Variants in PKD1L1 observed in about 807,000 individuals in gnomAD.
The protein encoded by PKD1L1 is polycystin-1-like protein 1.
PKD1L1 carries 236 observed loss-of-function variants against 323.4 expected under a neutral mutation model. The observed-to-expected ratio is 0.73, with a 90% CI of 0.66 to 0.81. The LOEUF (loss-of-function observed/expected upper bound fraction) is 0.81, where lower values mean the gene tolerates loss of function less well. PKD1L1 is among the 40% of genes least tolerant of loss of function. PKD1L1 has a pLI of 0.00. For synonymous variants in PKD1L1, 1,344 were observed against 1,335.0 expected, an observed-to-expected ratio of 1.01 and a Z score of -0.15; for missense variants, 3,320 against 3,508.0, an observed-to-expected ratio of 0.95 and a Z score of 1.35.
chr7:47,827,210 G>T, intron 45 of PKD1L1, 140 bp downstream of exon 45: 1 of 667,762 alleles, frequency 1.5e-6, no homozygotes, highest in Non-Finnish European at 2.4e-6. Context: ...GATGGCTCTG[G>T]GGACAGCAAG....
chr7:47,936,898 C>T lies in PKD1L1; in HGVS notation c.346G>A (p.Val116Ile), dbSNP rs1470371316. 5.0e-6 allele frequency: 8 copies of T among 1,613,648 alleles called. No homozygotes were observed. Among genetic ancestry groups the T allele is most frequent in the Non-Finnish European group, 6.8e-6 (8 of 1,179,960 alleles). ...GGCGCCTGTGTTTTTTCATTAACAA[C>T]AGCCTGTGTTTTTTCATTAACAACA... ...LSVVNEKTQAVVNEKTQAPLD... is the reference protein window; with the variant it reads ...LSVVNEKTQAIVNEKTQAPLD... The change falls in exon 4 of 57, where the codon GTT becomes ATT. Residue 116 changes from valine to isoleucine, a missense_variant. Coordinates refer to ENST00000289672, the MANE Select transcript of PKD1L1 (RefSeq NM_138295.5).
At chr7:47,781,631 G>A (rs1786699832) in intron 56 of PKD1L1, among the ~76,000 whole-genome samples, 1 of 151,480 alleles carries the variant, frequency 6.6e-6, no homozygotes, top group Non-Finnish European at 1.5e-5. Flanking sequence ...GGATGGTCTC[G>A]ATTTCCTGAC....
chr7:47,783,318 T>C (rs1467232718), intron 56 of PKD1L1, among the ~76,000 whole-genome samples: 1 of 102,884 alleles, frequency 9.7e-6, no homozygotes, highest in African/African-American at 3.7e-5. Flanking sequence ...TATAAAAGCA[T>C]TTATAAATTA....
intron 41 of PKD1L1, among the ~76,000 whole-genome samples, chr7:47,831,563 C>G (rs1785349769): frequency 6.6e-6 from 1 of 152,128 alleles, no homozygotes; most frequent in East Asian, 1.9e-4. Context: ...AAGCAGAGGG[C>G]CTTCCTAGCC....
rs1562970489 is a variant in PKD1L1 at position 47,880,278 on chromosome 7, A to ATTTTTTTTTTTTT, written c.3520+449_3520+450insAAAAAAAAAAAAA. Among the ~76,000 whole-genome samples the ATTTTTTTTTTTTT allele has an allele frequency of 1.9e-4, 14 of 73,666 alleles. 1 individual carries two copies. The highest frequency in any genetic ancestry group is 9.4e-4 in the African/African-American group (13 of 13,818). The allele number at this position is 73,666 out of a possible 152,430, so 48.3% of individuals were successfully genotyped here. A position where few individuals can be genotyped will look rare whatever the true frequency, so the allele number is the denominator to read the frequency against. ...TATATATATATACATATATATATAT[A>ATTTTTTTTTTTTT]TATATATTTTTTTTTTTTTTTTTGA... On this transcript the variant is annotated intron_variant, in intron 21 of 56. Coordinates refer to ENST00000289672, the MANE Select transcript of PKD1L1 (RefSeq NM_138295.5).
intron 36 of PKD1L1, among the ~76,000 whole-genome samples, chr7:47,838,370 C>T (rs1315025139): frequency 6.6e-6 from 1 of 152,188 alleles, no homozygotes. Context: ...GGGCTTTTAC[C>T]ACTGTTTGAG....
chr7:47,884,769 T>A (rs1005796174), intron 18 of PKD1L1, 112 bp from the exon 19 acceptor site: 3 of 836,740 alleles, frequency 3.6e-6, no homozygotes, highest in Admixed American at 3.9e-5. Context: ...CTAGACTCCA[T>A]ACATTGCTCT....
At position 47,877,760 on chromosome 7, in the gene PKD1L1, C is replaced by T. The variant is rs1044163687; in HGVS notation, c.3521-129G>A. The T allele has an allele frequency of 7.3e-6, 8 of 1,090,532 alleles. No homozygotes were observed. The African/African-American group carries it at 1.3e-4, about 17-fold the overall frequency. 67.6% of individuals were successfully genotyped at this position (1,090,532 alleles called of 1,614,324 possible). On this transcript the variant is annotated intron_variant, in intron 21 of 56. Coordinates refer to ENST00000289672, the MANE Select transcript of PKD1L1 (RefSeq NM_138295.5). The stretch of plus-strand genomic sequence containing the variant: ...GGGTCCCCAGACCAGCAGCATCGGA[C>T]TAACCTGGGAATTTGTCAGAAATGA...
chr7:47,863,321 T>C (rs1231947627), intron 26 of PKD1L1, among the ~76,000 whole-genome samples: 1 of 152,008 alleles, frequency 6.6e-6, no homozygotes, highest in Non-Finnish European at 1.5e-5. Context: ...AGCGTGTAGT[T>C]ATACGTGCGT....
intron 3 of PKD1L1, among the ~76,000 whole-genome samples, chr7:47,939,936 C>A (rs538776328): frequency 6.6e-6 from 1 of 152,210 alleles, no homozygotes; most frequent in East Asian, 1.9e-4. Context: ...CTGAGGGCTA[C>A]CCCTCACTCC....
At position 47,854,960 on chromosome 7, in the gene PKD1L1, T is replaced by C; in HGVS notation, c.4781A>G (p.Asn1594Ser). The C allele has an allele frequency of 6.2e-7, 1 of 1,613,962 alleles. No individual in the cohort carries two copies. Among genetic ancestry groups the C allele is most frequent in the Non-Finnish European group, 8.5e-7 (1 of 1,179,958 alleles). Residue 1594 changes from asparagine to serine, a missense_variant, in exon 30 of 57, where the codon AAC (asparagine) becomes AGC (serine). By Grantham distance (46) the Asn-to-Ser change is conservative. Transcript: ENST00000289672. The part of the protein sequence containing the change: ...NLHQFTELSE[N>S]PQESLQIEIE... ...TTCTATCTGTAGAGATTCCTGGGGG[T>C]TTTCGGAAAGCTCAGTGAACTGATG...
At position 47,836,939 on chromosome 7, in the gene PKD1L1, A is replaced by C; in HGVS notation, c.5925T>G (p.Ala1975=). Residue 1975 remains alanine (A), a synonymous_variant, in exon 37 of 57, where the codon GCT becomes GCG. Transcript: ENST00000289672. ...CVYACLTALV[A]AGGQEQPHLD... ...CTCTCACCTGCTCTTGCCCTCCAGCAGCAACCAGGGCAGTGAGACACGCGT... is the reference window on the plus strand; with the variant it reads ...CTCTCACCTGCTCTTGCCCTCCAGCCGCAACCAGGGCAGTGAGACACGCGT... 3.1e-6 allele frequency: 5 copies of C among 1,613,976 alleles called. No individual in the cohort carries two copies. The highest frequency in any genetic ancestry group is 3.4e-6 in the Non-Finnish European group (4 of 1,179,968).
intron 48 of PKD1L1, 83 bp downstream of exon 48, chr7:47,813,848 T>A (rs1784957070): frequency 8.5e-7 from 1 of 1,176,414 alleles, no homozygotes; most frequent in East Asian, 2.4e-5. Context: ...GTTCAAATGA[T>A]CTGCCAGGGT....
At chr7:47,837,284 T>A (rs544023471) in intron 36 of PKD1L1, among the ~76,000 whole-genome samples, 190 bp from the exon 37 acceptor site, 5 of 152,310 alleles carry the variant, frequency 3.3e-5, no homozygotes, top group Admixed American at 3.3e-4. Context: ...ACTCTCTGGC[T>A]CTGCTATCCT....
chr7:47,867,693 A>G (rs969953697), intron 24 of PKD1L1, among the ~76,000 whole-genome samples: 4 of 152,178 alleles, frequency 2.6e-5, no homozygotes, highest in African/African-American at 7.2e-5. Flanking sequence ...AGGAAACCAT[A>G]TTTTTAAAAA....
At chr7:47,870,939 C>T (rs1169339615) in intron 24 of PKD1L1, among the ~76,000 whole-genome samples, 1 of 137,392 alleles carries the variant, frequency 7.3e-6, no homozygotes, top group Non-Finnish European at 1.5e-5. Flanking sequence ...TGCCACTGTA[C>T]TCCAACCTAG....
At position 47,843,242 on chromosome 7, in the gene PKD1L1, C is replaced by A; in HGVS notation, c.5238-73G>T. On this transcript the variant is annotated intron_variant, in intron 33 of 56. Coordinates refer to ENST00000289672, the MANE Select transcript of PKD1L1 (RefSeq NM_138295.5). ...CATATAGGAAAAGACTGATTGCCAC[C>A]CCTAGCCCCTTACACACAAAAGTCC... 5 of 1,145,374 alleles carry A rather than the reference C, an allele frequency of 4.4e-6. No individual in the cohort carries two copies. In the South Asian group the frequency reaches 7.6e-5, roughly 17 times the overall value. The allele number at this position is 1,145,374 out of a possible 1,614,324, so 71.0% of individuals were successfully genotyped here. A position where few individuals can be genotyped will look rare whatever the true frequency, so the allele number is the denominator to read the frequency against.
intron 26 of PKD1L1, among the ~76,000 whole-genome samples, chr7:47,862,641 G>C (rs1248347383): frequency 6.6e-6 from 1 of 152,150 alleles, no homozygotes; most frequent in Non-Finnish European, 1.5e-5. Flanking sequence ...ATTACCTTCA[G>C]ATGGTGGGTC....
intron 47 of PKD1L1, among the ~76,000 whole-genome samples, chr7:47,815,069 C>A (rs17131825): frequency 6.6e-6 from 1 of 152,110 alleles, no homozygotes; most frequent in South Asian, 2.1e-4. Flanking sequence ...TGCCATAGCC[C>A]TTGTGTCTAT....
Sources: allele counts gnomAD v4.1 joint callset (sites outside exome capture counted in the v4.1 genomes callset), GRCh38; gene constraint gnomAD v4.1.1; transcripts MANE v1.5; gene names NCBI Gene and HGNC (gene_info 2026-07-23, HGNC 2026-07-21).